Variants in FBXO24 observed in about 807,000 individuals in gnomAD.
The protein encoded by FBXO24 is F-box only protein 24.
In FBXO24, 30 loss-of-function variants were observed where a neutral mutation model predicts 63.5. That is an observed-to-expected ratio of 0.47 (90% CI 0.35 to 0.64). The LOEUF (loss-of-function observed/expected upper bound fraction) is 0.64, where lower values mean the gene tolerates loss of function less well. Among genes scored for constraint, FBXO24 ranks in the 30% least tolerant of loss-of-function variants. The pLI, the probability that FBXO24 is intolerant of heterozygous loss-of-function variation, is 0.00. For synonymous variants in FBXO24, 300 were observed against 305.0 expected (o/e 0.98, Z 0.17); for missense variants, 624 against 763.4 (o/e 0.82, Z 2.15).
chr7:100,589,714 C>T (rs1160428261), intron 1 of FBXO24: 2 of 1,546,580 alleles, frequency 1.3e-6, no homozygotes, highest in South Asian at 2.4e-5. Context: ...AGGGAGGGGG[C>T]AATCAGGATG....
At chr7:100,599,110 C>T (rs562934894) in intron 8 of FBXO24, among the ~76,000 whole-genome samples, 58 of 152,174 alleles carry the variant, frequency 3.8e-4, no homozygotes, top group Admixed American at 3.1e-3. Context: ...AGGCACATGC[C>T]GGGTGTGGTG....
At chr7:100,587,424 T>C (rs1030067114) in intron 1 of FBXO24, among the ~76,000 whole-genome samples, 1 of 151,936 alleles carries the variant, frequency 6.6e-6, no homozygotes, top group African/African-American at 2.4e-5. Flanking sequence ...TGCCTCAGCC[T>C]CCCGAGTAGC....
chr7:100,600,353 C>T lies in FBXO24; in HGVS notation c.1377+152C>T. ...TCCCTCCTCTGCCGCACACCACGCT[C>T]TCTGCTTTCTCCCTTAGCAGACTGT... On this transcript the variant is annotated intron_variant, in intron 9 of 9. Transcript: ENST00000241071. The surrounding 1 kb of genome is among the most constrained non-coding windows in gnomAD (Gnocchi z 6.3). 2.9e-6 allele frequency: 4 copies of T among 1,375,680 alleles called. No homozygotes were observed. Among genetic ancestry groups the T allele is most frequent in the Non-Finnish European group, 3.9e-6 (4 of 1,024,240 alleles). 85.2% of individuals were successfully genotyped at this position (1,375,680 alleles called of 1,614,324 possible).
At chr7:100,595,450 T>A (rs772057829) in intron 7 of FBXO24, 125 bp from the exon 8 acceptor site, 16 of 1,302,980 alleles carry the variant, frequency 1.2e-5, no homozygotes, top group Non-Finnish European at 1.7e-5. Flanking sequence ...TGAGATCCCA[T>A]CTCTAAAATA....
intron 8 of FBXO24, among the ~76,000 whole-genome samples, chr7:100,598,573 AC>A (rs1419239449): frequency 6.6e-6 from 1 of 152,176 alleles, no homozygotes; most frequent in African/African-American, 2.4e-5. Flanking sequence ...TGGTCATGTA[AC>A]CAACTCTGCT....
chr7:100,593,085 G>C, intron 5 of FBXO24, 68 bp downstream of exon 5: 5 of 1,355,586 alleles, frequency 3.7e-6, no homozygotes, highest in Non-Finnish European at 5.2e-6. Context: ...CTGCAGAGGA[G>C]GGGGAGGGAG....
In FBXO24 at chr7:100,594,560, C is replaced by A. The variant is rs773338725; in HGVS notation, c.952+19C>A. 1.9e-6 allele frequency: 3 copies of A among 1,551,472 alleles called. No homozygotes were observed. Among genetic ancestry groups the A allele is most frequent in the African/African-American group, 2.7e-5 (2 of 73,344 alleles). Reference sequence around the variant, plus strand: ...GTCACAGGTATGGACCACCTCCCCCCGGCTCAAGCCCGCAGCCTTGGTTAG... The same window carrying A: ...GTCACAGGTATGGACCACCTCCCCCAGGCTCAAGCCCGCAGCCTTGGTTAG... On this transcript the variant is annotated intron_variant, in intron 6 of 9. Transcript: ENST00000241071. This position sits in a 1 kb window ranked among gnomAD's most constrained non-coding sequence, Gnocchi z 4.2.
At position 100,600,004 on chromosome 7, in the gene FBXO24, T is replaced by C; in HGVS notation, c.1207-27T>C. On this transcript the variant is annotated intron_variant, in intron 8 of 9. Coordinates refer to ENST00000241071, the MANE Select transcript of FBXO24 (RefSeq NM_033506.3). The surrounding 1 kb of genome is among the most constrained non-coding windows in gnomAD (Gnocchi z 6.3). ...CCCCCCGTCCCTTGGTGCTCCCTGC[T>C]CAGGGACCCTGGCCGTGTGTCCCCA... is the stretch of plus-strand genomic sequence containing the variant. The C allele has an allele frequency of 6.7e-7, 1 of 1,490,416 alleles. No individual in the cohort carries two copies. The highest frequency in any genetic ancestry group is 9.1e-7 in the Non-Finnish European group (1 of 1,094,420). 92.3% of individuals were successfully genotyped at this position (1,490,416 alleles called of 1,614,324 possible).
chr7:100,598,562 T>C (rs891675410), intron 8 of FBXO24, among the ~76,000 whole-genome samples: 2 of 152,112 alleles, frequency 1.3e-5, no homozygotes, highest in Admixed American at 6.5e-5. Flanking sequence ...CAGCCTCAGA[T>C]TGGTCATGTA....
chr7:100,590,527 T>A (rs926725038), intron 3 of FBXO24, among the ~76,000 whole-genome samples, 170 bp downstream of exon 3: 2 of 152,180 alleles, frequency 1.3e-5, no homozygotes, highest in Non-Finnish European at 2.9e-5. Context: ...TTCCTCCAAG[T>A]CTTCGGAATC....
intron 5 of FBXO24, 35 bp downstream of exon 5, chr7:100,593,052 T>C (rs781119654): frequency 6.4e-6 from 10 of 1,572,460 alleles, no homozygotes; most frequent in African/African-American, 1.3e-5. Context: ...GCAAACTGTT[T>C]CCTGCAGATT....
chr7:100,590,277 G>C lies in FBXO24; in HGVS notation c.242G>C (p.Arg81Pro), dbSNP rs757283824. 40 of 1,614,060 alleles carry C rather than the reference G, an allele frequency of 2.5e-5. No individual in the cohort carries two copies. The highest frequency in any genetic ancestry group is 1.6e-4 in the Middle Eastern group (1 of 6,084). ...TGCGATGGGGAAGGCGTGTGGAGAC[G>C]CATCTGTCGCAGACTCAGTCCGCGC... is the stretch of plus-strand genomic sequence containing the variant. ...EVCDGEGVWR[R>P]ICRRLSPRLQ... is the part of the protein sequence containing the mutation. The change falls in exon 3 of 10, where the codon CGC (arginine) becomes CCC (proline). Residue 81 changes from arginine (R) to proline (P), a missense_variant. Arg to Pro is a moderately radical substitution (Grantham distance 103, BLOSUM62 -2). Coordinates refer to ENST00000241071, the MANE Select transcript of FBXO24 (RefSeq NM_033506.3).
chr7:100,600,672 G>T lies in FBXO24; in HGVS notation c.1516G>T (p.Ala506Ser). The change falls in exon 10 of 10, where the codon GCC (alanine) becomes TCC (serine). Residue 506 changes from alanine (A) to serine (S), a missense_variant. Ala to Ser is a moderately conservative substitution (Grantham distance 99). Around this residue, in one of 3 missense-constraint regions of FBXO24, gnomAD observed 216 missense variants for 245.2 expected, o/e 0.88. Transcript: ENST00000241071. The surrounding 1 kb of genome is among the most constrained non-coding windows in gnomAD (Gnocchi z 6.3). ...VVGTPEPSLG[A>S]RAPQDPGGMA... is the part of the protein sequence containing the mutation. ...GGGGACTCCTGAGCCCAGCCTGGGG[G>T]CCAGAGCACCCCAGGACCCCGGGGG... The T allele has an allele frequency of 6.2e-7, 1 of 1,614,074 alleles. No homozygotes were observed. Among genetic ancestry groups the T allele is most frequent in the African/African-American group, 1.3e-5 (1 of 75,046 alleles).
intron 3 of FBXO24, among the ~76,000 whole-genome samples, chr7:100,590,883 G>A (rs1339251003): frequency 1.3e-5 from 2 of 152,080 alleles, no homozygotes; most frequent in African/African-American, 4.8e-5. Context: ...CCCCCAGGGT[G>A]TACTTCTTAC....
rs1428689055 is a variant in FBXO24, at chr7:100,595,122, G to A, written c.973G>A (p.Glu325Lys). Residue 325 changes from glutamate (E) to lysine (K), a missense_variant, in exon 7 of 10, where the codon GAG (glutamate) becomes AAG (lysine). Glu to Lys is a moderately conservative substitution (Grantham distance 56, BLOSUM62 1). Transcript: ENST00000241071. ...YVTDQGGVYF[E>K]VHTPGVYRDL... The stretch of plus-strand genomic sequence containing the variant: ...CCCAGACCAGGGGGGAGTGTATTTT[G>A]AGGTGCATACCCCAGGGGTGTATCG... 4.3e-6 allele frequency: 7 copies of A among 1,613,904 alleles called. No homozygotes were observed. Among genetic ancestry groups the A allele is most frequent in the Non-Finnish European group, 5.9e-6 (7 of 1,179,960 alleles).
chr7:100,586,677 T>C lies in FBXO24; in HGVS notation c.39+13T>C, dbSNP rs970965398. ...AAGGAGGAGGCGGGTGAGCTAGAAC[T>C]TTAAGACTGAGGTTAAGAATGAACG... On this transcript the variant is annotated intron_variant, in intron 1 of 9. Coordinates refer to ENST00000241071, the MANE Select transcript of FBXO24 (RefSeq NM_033506.3). The C allele has an allele frequency of 1.2e-6, 2 of 1,614,060 alleles. No individual in the cohort carries two copies. The highest frequency in any genetic ancestry group is 2.7e-5 in the African/African-American group (2 of 75,020).
Position 100,600,444 on chromosome 7 carries a change from G to T in FBXO24, c.1378-90G>T, listed in dbSNP as rs1802540857. Reference sequence around the variant, plus strand: ...GGCTCAGGGCTGGTGTGAGAGGGAAGAATGCAATAGGCAGATTAGCCCGGG... The same window carrying T: ...GGCTCAGGGCTGGTGTGAGAGGGAATAATGCAATAGGCAGATTAGCCCGGG... On this transcript the variant is annotated intron_variant, in intron 9 of 9. Coordinates refer to ENST00000241071, the MANE Select transcript of FBXO24 (RefSeq NM_033506.3). The surrounding 1 kb of genome is among the most constrained non-coding windows in gnomAD (Gnocchi z 6.3). The T allele has an allele frequency of 6.6e-7, 1 of 1,515,444 alleles. No individual in the cohort carries two copies. Among genetic ancestry groups the T allele is most frequent in the African/African-American group, 1.4e-5 (1 of 71,712 alleles). 93.9% of individuals were successfully genotyped at this position (1,515,444 alleles called of 1,614,324 possible). A position where few individuals can be genotyped will look rare whatever the true frequency, so the allele number is the denominator to read the frequency against.
Position 100,594,264 on chromosome 7 carries a change from T to G in FBXO24, c.794-119T>G. ...TTGGGGTCACTCTTCCCTTATTTCT[T>G]TCTCAGCCCCACTCTAGGGCAGTAA... On this transcript the variant is annotated intron_variant, in intron 5 of 9. Coordinates refer to ENST00000241071, the MANE Select transcript of FBXO24 (RefSeq NM_033506.3). The surrounding 1 kb of genome is among the most constrained non-coding windows in gnomAD (Gnocchi z 4.2). 1 of 1,142,208 alleles carries G rather than the reference T, an allele frequency of 8.8e-7. No individual in the cohort carries two copies. The highest frequency in any genetic ancestry group is 1.2e-6 in the Non-Finnish European group (1 of 820,166). 70.8% of individuals were successfully genotyped at this position (1,142,208 alleles called of 1,614,324 possible).
rs749510516 is a variant in FBXO24, at chr7:100,595,370, G to A, written c.1074+147G>A. On this transcript the variant is annotated intron_variant, in intron 7 of 9. Transcript: ENST00000241071. ...GCCAAAAGAGATCAGCTGGGGGCTC[G>A]GTGCGGAGGGAGGCTGAGGAGGGAG... The A allele has an allele frequency of 1.2e-4, 178 of 1,449,688 alleles. 1 individual carries two copies. The highest frequency in any genetic ancestry group is 2.6e-4 in the Admixed American group (12 of 46,252). 89.8% of individuals were successfully genotyped at this position (1,449,688 alleles called of 1,614,324 possible). A position where few individuals can be genotyped will look rare whatever the true frequency, so the allele number is the denominator to read the frequency against.
Sources: gnomAD v4.1 joint callset for allele counts (sites outside exome capture counted in the v4.1 genomes callset) on GRCh38, gnomAD v4.1.1 for gene constraint, gnomAD v4.1.1 regional missense constraint, Gnocchi (gnomAD v3.1) non-coding constraint, MANE v1.5 for transcripts, NCBI Gene and HGNC (gene_info 2026-07-23, HGNC 2026-07-21) for gene names.